SLC17A1: variants seen among roughly 807,000 people sequenced by gnomAD.
SLC17A1 encodes the protein solute carrier family 17 member 1, also known as sodium-dependent phosphate transport protein 1.
A neutral mutation model predicts 53.5 loss-of-function variants in SLC17A1; 51 were observed. That is an observed-to-expected ratio of 0.95 (90% CI 0.76 to 1.20). The LOEUF is 1.20. Among genes scored for constraint, SLC17A1 ranks in the 50% most tolerant of loss-of-function variants. The pLI is 0.00. For missense variants in SLC17A1, 538 were observed against 568.2 expected (o/e 0.95, Z 0.54); for synonymous variants, 179 against 198.8 (o/e 0.90, Z 0.84).
the SLC17A1 span, among the ~76,000 whole-genome samples, chr6:25,775,246 C>T: frequency 2.0e-5 from 3 of 151,590 alleles, no homozygotes; most frequent in Admixed American, 6.6e-5. Flanking sequence ...GCATGAGAAT[C>T]GCTTGAGCTG....
the SLC17A1 span, among the ~76,000 whole-genome samples, chr6:25,748,035 T>A: frequency 6.6e-6 from 1 of 152,168 alleles, no homozygotes; most frequent in Non-Finnish European, 1.5e-5. Flanking sequence ...TGTTACTTAT[T>A]TTACATGAAA....
chr6:25,732,649 C>G, the SLC17A1 span: 3 of 1,296,698 alleles, frequency 2.3e-6, no homozygotes, highest in South Asian at 1.2e-5. Context: ...GCCGTCGGAA[C>G]AAGAAGAAGA....
rs149781206 is a variant in SLC17A1, at chr6:25,813,441, C to T, written c.617-228G>A. 6.8e-4 allele frequency among the ~76,000 whole-genome samples: 103 copies of T among 152,264 alleles called. 2 individuals are homozygous for T. The highest frequency in any genetic ancestry group is 6.5e-3 in the Admixed American group (99 of 15,302). Reference sequence around the variant, plus strand: ...TTTCCTGATCTCCTATCCTCTGCTCCCTCCACTCCTGACAGCTGGACCTCC... The same window carrying T: ...TTTCCTGATCTCCTATCCTCTGCTCTCTCCACTCCTGACAGCTGGACCTCC... On this transcript the variant is annotated intron_variant, in intron 6 of 12. Coordinates refer to ENST00000244527, the MANE Select transcript of SLC17A1 (RefSeq NM_005074.5).
At chr6:25,726,478 G>A in the SLC17A1 span, 22 of 1,613,638 alleles carry the variant, frequency 1.4e-5, no homozygotes, top group Admixed American at 5.0e-5. Context: ...AGAAGAGCGA[G>A]ACTTAGACTT....
At chr6:25,757,389 T>C in the SLC17A1 span, among the ~76,000 whole-genome samples, 2 of 152,020 alleles carry the variant, frequency 1.3e-5, no homozygotes, top group African/African-American at 4.8e-5. Context: ...TGCTGTAACT[T>C]TATATCTGCT....
the SLC17A1 span, among the ~76,000 whole-genome samples, chr6:25,759,021 A>AT: frequency 2.6e-5 from 4 of 152,074 alleles, no homozygotes; most frequent in Non-Finnish European, 4.4e-5. Flanking sequence ...AGTTCAAAGA[A>AT]TTTTTTAATT....
In SLC17A1 at chr6:25,788,263, A is replaced by C. The variant is rs189515185; in HGVS notation, c.*3-5045T>G. ...CATGCCAAAGAGCACATTTGAAAAAATTTTAGATTAAATCTAAACAGCAAA... is the reference window on the plus strand; with the variant it reads ...CATGCCAAAGAGCACATTTGAAAAACTTTTAGATTAAATCTAAACAGCAAA... On this transcript the variant is annotated intron_variant, in intron 12 of 12. Coordinates refer to ENST00000244527, the MANE Select transcript of SLC17A1 (RefSeq NM_005074.5). Among the ~76,000 whole-genome samples the C allele has an allele frequency of 7.2e-4, 110 of 152,316 alleles. 2 individuals are homozygous for C. In the East Asian group the frequency reaches 0.019, roughly 26 times the overall value.
the SLC17A1 span, among the ~76,000 whole-genome samples, chr6:25,774,184 C>A: frequency 6.6e-6 from 1 of 152,198 alleles, no homozygotes; most frequent in South Asian, 2.1e-4. Flanking sequence ...TTTAAAAAAT[C>A]ATTTTTATTC....
At chr6:25,810,886 C>T (rs1764131124) in intron 10 of SLC17A1, among the ~76,000 whole-genome samples, 1 of 152,080 alleles carries the variant, frequency 6.6e-6, no homozygotes, top group Non-Finnish European at 1.5e-5. Context: ...GCATAACAAA[C>T]ATGTGGTATA....
intron 6 of SLC17A1, 23 bp downstream of exon 6, chr6:25,819,045 G>A (rs1162522932): frequency 6.7e-7 from 1 of 1,498,518 alleles, no homozygotes; most frequent in Non-Finnish European, 9.0e-7. Flanking sequence ...ATAATAACTA[G>A]GATTTTACAG....
rs946466179 is a variant in SLC17A1, at chr6:25,819,909, T to C, written c.214A>G (p.Met72Val). ...TGGATATCTGGGCTCCAATTATACA[T>C]AGGGTTCTAAAAGACAAGGGGGGAC... ...KKLLDNIKNP[M>V]YNWSPDIQGI... The change falls in exon 4 of 13, where the codon ATG becomes GTG. Residue 72 changes from methionine to valine, a missense_variant. Coordinates refer to ENST00000244527, the MANE Select transcript of SLC17A1 (RefSeq NM_005074.5). 13 of 1,603,694 alleles carry C rather than the reference T, an allele frequency of 8.1e-6. No homozygotes were observed. In the Admixed American group the frequency reaches 1.2e-4, roughly 15 times the overall value.
intron 12 of SLC17A1, among the ~76,000 whole-genome samples, chr6:25,786,317 T>C (rs535270227): frequency 2.0e-4 from 30 of 152,320 alleles, no homozygotes; most frequent in African/African-American, 7.2e-4. Context: ...TAGTCTGTGT[T>C]TGGGTGGGCC....
the SLC17A1 span, among the ~76,000 whole-genome samples, chr6:25,738,413 G>A: frequency 6.6e-6 from 1 of 152,098 alleles, no homozygotes; most frequent in African/African-American, 2.4e-5. Flanking sequence ...AACTCATATA[G>A]ATCATATATT....
At chr6:25,728,184 G>C in the SLC17A1 span, among the ~76,000 whole-genome samples, 2 of 152,198 alleles carry the variant, frequency 1.3e-5, no homozygotes, top group African/African-American at 4.8e-5. Context: ...TTTAGAGGAA[G>C]TTACGTTTTG....
the SLC17A1 span, among the ~76,000 whole-genome samples, chr6:25,775,338 A>AT: frequency 1.3e-5 from 2 of 151,300 alleles, no homozygotes; most frequent in Non-Finnish European, 2.9e-5. Flanking sequence ...GTCTAAAAAA[A>AT]AAATAGAAAG....
the SLC17A1 span, among the ~76,000 whole-genome samples, chr6:25,772,528 C>T: frequency 7.6e-4 from 115 of 152,188 alleles, no homozygotes; most frequent in Non-Finnish European, 1.3e-3. Context: ...TGAAGATGGG[C>T]CATATTTCCA....
the SLC17A1 span, among the ~76,000 whole-genome samples, chr6:25,727,817 A>G: frequency 6.6e-6 from 1 of 151,954 alleles, no homozygotes; most frequent in Admixed American, 6.6e-5. Context: ...TAAGAGACGG[A>G]GACCATCTTG....
the SLC17A1 span, among the ~76,000 whole-genome samples, chr6:25,724,261 TAAC>T: frequency 1.2e-4 from 18 of 152,260 alleles, no homozygotes; most frequent in South Asian, 6.2e-4. Context: ...CTGTCTCTAC[TAAC>T]AATACAAAAG....
intron 11 of SLC17A1, among the ~76,000 whole-genome samples, chr6:25,799,222 C>T (rs1308650085): frequency 2.6e-5 from 4 of 151,964 alleles, no homozygotes; most frequent in African/African-American, 9.7e-5. Flanking sequence ...TGCATCTTTT[C>T]AAGGTATCTT....
Sources: allele counts gnomAD v4.1 joint callset (sites outside exome capture counted in the v4.1 genomes callset), GRCh38; gene constraint gnomAD v4.1.1; transcripts MANE v1.5; gene names NCBI Gene and HGNC (gene_info 2026-07-23, HGNC 2026-07-21).